Variants in ADGRE2 observed in about 807,000 individuals in gnomAD.
The protein encoded by ADGRE2 is CD97 antigen.
A neutral mutation model predicts 100.8 loss-of-function variants in ADGRE2; 83 were observed. That is an observed-to-expected ratio of 0.82 (90% CI 0.69 to 0.99). ADGRE2 has a LOEUF of 0.99. Ranked by LOEUF, ADGRE2 falls within the 50% of genes least tolerant of loss-of-function variation. The probability of loss-of-function intolerance (pLI) is 0.00; values close to 1 mark genes in which losing one functional copy is unlikely to be tolerated. For synonymous variants in ADGRE2, 355 were observed against 413.0 expected (o/e 0.86, Z 1.70); for missense variants, 814 against 1,035.7 (o/e 0.79, Z 2.94).
intron 5 of ADGRE2, among the ~76,000 whole-genome samples, chr19:14,770,683 T>TTTC (rs1568623349): frequency 2.4e-5 from 3 of 127,474 alleles, no homozygotes; most frequent in Admixed American, 8.1e-5. Context: ...TTTTTTTTTT[T>TTTC]TTTTTTTTTT....
At position 14,755,719 on chromosome 19, in the gene ADGRE2, C is replaced by T. The variant is rs1343587411; in HGVS notation, c.1351G>A (p.Ala451Thr). The part of the protein sequence containing the change: ...SPILLSDVIS[A>T]FLSNNDTQNL... ...TGGGTGTCGTTGTTGCTCAGAAAGG[C>T]AGAGATCACATCTGAGAGCAGGATG... Residue 451 changes from alanine to threonine, a missense_variant, in exon 13 of 21, where the codon GCC becomes ACC. Physicochemically the swap from Ala to Thr is moderately conservative, Grantham distance 58. Transcript: ENST00000315576. The T allele has an allele frequency of 6.2e-7, 1 of 1,614,166 alleles. No individual in the cohort carries two copies. Among genetic ancestry groups the T allele is most frequent in the Non-Finnish European group, 8.5e-7 (1 of 1,180,030 alleles).
chr19:14,763,014 T>C (rs1168243627), intron 11 of ADGRE2, among the ~76,000 whole-genome samples: 1 of 152,196 alleles, frequency 6.6e-6, no homozygotes, highest in African/African-American at 2.4e-5. Flanking sequence ...CTTAATAAAA[T>C]TAATGCTATA....
intron 12 of ADGRE2, 21 bp from the exon 13 acceptor site, chr19:14,755,898 T>TGAATCTTGGAG (rs1568600322): frequency 6.2e-7 from 1 of 1,604,024 alleles, no homozygotes. Context: ...AGGCCAAGGT[T>TGAATCTTGGAG]GAATCTTGGA....
rs762057640 is a variant in ADGRE2 at position 14,746,371 on chromosome 19, A to G, written c.2092-48T>C. ...TGTTGAATAGATTTTGAAACCTGTT[A>G]TCTCTTTTTTTTTTTTTTTCAGACA... On this transcript the variant is annotated intron_variant, in intron 17 of 20. Transcript: ENST00000315576. 7 of 963,880 alleles carry G rather than the reference A, an allele frequency of 7.3e-6. No homozygotes were observed. In the African/African-American group the frequency reaches 1.2e-4, roughly 17 times the overall value. The allele number at this position is 963,880 out of a possible 1,614,324, so 59.7% of individuals were successfully genotyped here.
intron 11 of ADGRE2, among the ~76,000 whole-genome samples, chr19:14,758,833 C>G (rs1379954911): frequency 6.8e-6 from 1 of 146,350 alleles, no homozygotes; most frequent in Non-Finnish European, 1.5e-5. Context: ...TGCAGTGAGC[C>G]GAGATCGCGC....
chr19:14,775,933 G>A (rs2147599615), intron 2 of ADGRE2, among the ~76,000 whole-genome samples: 1 of 151,028 alleles, frequency 6.6e-6, no homozygotes, highest in South Asian at 2.1e-4. Context: ...TGCTTCCTCA[G>A]GGACACAGGT....
intron 20 of ADGRE2, chr19:14,742,158 G>A (rs1044591258): frequency 3.5e-5 from 14 of 398,254 alleles, no homozygotes; most frequent in Non-Finnish European, 6.2e-5. Flanking sequence ...GCTCAAATGT[G>A]AACCCTCTTA....
the ADGRE2 span, among the ~76,000 whole-genome samples, chr19:14,726,302 G>C: frequency 6.6e-6 from 1 of 152,146 alleles, no homozygotes; most frequent in Non-Finnish European, 1.5e-5. Flanking sequence ...AGGCTTCTGG[G>C]TTTGTGATGG....
intron 18 of ADGRE2, among the ~76,000 whole-genome samples, chr19:14,745,382 G>A (rs947836204): frequency 3.9e-5 from 6 of 152,020 alleles, no homozygotes; most frequent in South Asian, 2.1e-4. Context: ...CCGTCACTTC[G>A]CGTGTCTACC....
intron 15 of ADGRE2, among the ~76,000 whole-genome samples, chr19:14,751,931 A>ATTTT (rs199828270): frequency 1.5e-5 from 2 of 133,728 alleles, no homozygotes; most frequent in Non-Finnish European, 3.2e-5. Context: ...ATATATATAT[A>ATTTT]TTTTTTTTTT....
At position 14,732,690 on chromosome 19, in the gene ADGRE2, T is replaced by C. The variant is rs187043716; in HGVS notation, c.*3546A>G. 1.3e-5 allele frequency: 2 copies of C among 152,362 alleles called. No individual in the cohort carries two copies. Among genetic ancestry groups the C allele is most frequent in the African/African-American group, 4.8e-5 (2 of 41,594 alleles). 9.4% of individuals were successfully genotyped at this position (152,362 alleles called of 1,614,324 possible). On this transcript the variant is annotated 3_prime_UTR_variant, in exon 21 of 21. Transcript: ENST00000315576. ...GATATTTTGTGTCACATGACTGATA[T>C]ATGAAGTTCAAGCTCAGTGTCCATA...
intron 11 of ADGRE2, among the ~76,000 whole-genome samples, chr19:14,761,765 A>C (rs1302357367): frequency 1.3e-5 from 2 of 152,104 alleles, no homozygotes; most frequent in African/African-American, 4.8e-5. Context: ...CCATTTGCAT[A>C]ATAAGATTAG....
In ADGRE2 at chr19:14,736,100, A is replaced by G; in HGVS notation, c.*136T>C. The G allele has an allele frequency of 1.2e-6, 1 of 802,522 alleles. No individual in the cohort carries two copies. Among genetic ancestry groups the G allele is most frequent in the Non-Finnish European group, 2.0e-6 (1 of 494,110 alleles). 49.7% of individuals were successfully genotyped at this position (802,522 alleles called of 1,614,324 possible). On this transcript the variant is annotated 3_prime_UTR_variant, in exon 21 of 21. Coordinates refer to ENST00000315576, the MANE Select transcript of ADGRE2 (RefSeq NM_013447.4). Reference sequence around the variant, plus strand: ...ATTGAATGCCTAGCACGCCTTCCATAACATCCTTCATATTGCTGACATGGT... The same window carrying G: ...ATTGAATGCCTAGCACGCCTTCCATGACATCCTTCATATTGCTGACATGGT...
rs1003898768 is a variant in ADGRE2, at chr19:14,735,488, G to T, written c.*748C>A. 4 of 152,232 alleles carry T rather than the reference G, an allele frequency of 2.6e-5. No homozygotes were observed. The highest frequency in any genetic ancestry group is 6.5e-5 in the Admixed American group (1 of 15,280). The allele number at this position is 152,232 out of a possible 1,614,324, so 9.4% of individuals were successfully genotyped here. A position where few individuals can be genotyped will look rare whatever the true frequency, so the allele number is the denominator to read the frequency against. On this transcript the variant is annotated 3_prime_UTR_variant, in exon 21 of 21. Transcript: ENST00000315576. The stretch of plus-strand genomic sequence containing the variant: ...CTTGGAATATTTAGGAGTTTTGCAG[G>T]TCATTCCTTTGAAATGGAATTTGTT...
intron 11 of ADGRE2, among the ~76,000 whole-genome samples, chr19:14,757,064 A>G (rs1263302265): frequency 1.3e-5 from 2 of 152,074 alleles, no homozygotes; most frequent in Non-Finnish European, 2.9e-5. Flanking sequence ...TACCACAGCC[A>G]GCTAATTTTT....
chr19:14,758,658 G>T (rs2043584953), intron 11 of ADGRE2, among the ~76,000 whole-genome samples: 1 of 152,186 alleles, frequency 6.6e-6, no homozygotes, highest in Non-Finnish European at 1.5e-5. Flanking sequence ...GCTGAGGCGG[G>T]AGGATCACGA....
chr19:14,762,669 T>A (rs1357656382), intron 11 of ADGRE2, among the ~76,000 whole-genome samples: 2 of 152,028 alleles, frequency 1.3e-5, no homozygotes, highest in Non-Finnish European at 2.9e-5. Flanking sequence ...TGAGATGGAG[T>A]GGCACTCTGT....
chr19:14,754,280 T>C (rs925241932), intron 14 of ADGRE2, among the ~76,000 whole-genome samples: 168 of 64,782 alleles, frequency 2.6e-3, no homozygotes, highest in African/African-American at 9.8e-3. Context: ...CTCCCCTTTA[T>C]ATATATCTAT....
chr19:14,766,332 G>A lies in ADGRE2; in HGVS notation c.537C>T (p.His179=). 1 of 1,614,112 alleles carries A rather than the reference G, an allele frequency of 6.2e-7. No individual in the cohort carries two copies. Among genetic ancestry groups the A allele is most frequent in the Non-Finnish European group, 8.5e-7 (1 of 1,180,024 alleles). Reference sequence around the variant, plus strand: ...GATAGCTGCCCACGTTGTTGAGGCAGTGGGTGGAGCTGTGGCATGGGTTTT... The same window carrying A: ...GATAGCTGCCCACGTTGTTGAGGCAATGGGTGGAGCTGTGGCATGGGTTTT... ...SGQNPCHSST[H]CLNNVGSYQC... Residue 179 remains histidine, a synonymous_variant, in exon 7 of 21, where the codon CAC becomes CAT. Transcript: ENST00000315576.
Sources: gnomAD v4.1 joint callset for allele counts (sites outside exome capture counted in the v4.1 genomes callset) on GRCh38, gnomAD v4.1.1 for gene constraint, MANE v1.5 for transcripts, NCBI Gene and HGNC (gene_info 2026-07-23, HGNC 2026-07-21) for gene names.